The following UBE2D2 variants were observed in gnomAD, a reference collection of about 807,000 sequenced individuals.
UBE2D2 encodes ubiquitin conjugating enzyme E2 D2.
In UBE2D2, 2 loss-of-function variants were observed where a neutral mutation model predicts 24.2. The observed-to-expected ratio is 0.08, with a 90% CI of 0.03 to 0.26. The LOEUF is 0.26. UBE2D2 is among the 10% of genes least tolerant of loss of function. UBE2D2 has a pLI of 1.00. For synonymous variants in UBE2D2, 58 were observed against 56.5 expected, an observed-to-expected ratio of 1.03 and a Z score of -0.12; for missense variants, 44 against 177.6, an observed-to-expected ratio of 0.25 and a Z score of 4.28.
At chr5:139,578,066 A>G (rs1001087928) in intron 1 of UBE2D2, among the ~76,000 whole-genome samples, 2 of 152,140 alleles carry the variant, frequency 1.3e-5, no homozygotes, top group Admixed American at 6.6e-5. Context: ...CCATCTGTCT[A>G]TTCACATAGA....
intron 1 of UBE2D2, among the ~76,000 whole-genome samples, chr5:139,587,876 C>T (rs929826147): frequency 6.6e-6 from 1 of 152,004 alleles, no homozygotes; most frequent in African/African-American, 2.4e-5. Flanking sequence ...TATTTCTTTA[C>T]CTCCTGTTTT....
chr5:139,578,603 C>T (rs1581504852), intron 1 of UBE2D2, among the ~76,000 whole-genome samples: 1 of 152,004 alleles, frequency 6.6e-6, no homozygotes, highest in East Asian at 1.9e-4. Context: ...CAGGTGTGTG[C>T]TACCATACCT....
intron 2 of UBE2D2, among the ~76,000 whole-genome samples, chr5:139,605,210 A>G (rs985888111): frequency 6.6e-6 from 1 of 152,200 alleles, no homozygotes; most frequent in African/African-American, 2.4e-5. Flanking sequence ...TCTGTGCTTT[A>G]TTTTAAAACA....
intron 1 of UBE2D2, among the ~76,000 whole-genome samples, chr5:139,548,300 G>A (rs1374659811): frequency 6.6e-6 from 1 of 150,722 alleles, no homozygotes; most frequent in Non-Finnish European, 1.5e-5. Flanking sequence ...AGTGTTCCTC[G>A]TTTTCCCACC....
chr5:139,601,943 T>C (rs1342603082), intron 2 of UBE2D2, among the ~76,000 whole-genome samples: 1 of 152,082 alleles, frequency 6.6e-6, no homozygotes, highest in African/African-American at 2.4e-5. Flanking sequence ...ATTTGTAACA[T>C]TTAACAAATA....
intron 1 of UBE2D2, among the ~76,000 whole-genome samples, chr5:139,573,681 C>T (rs1389686545): frequency 6.6e-6 from 1 of 151,940 alleles, no homozygotes; most frequent in African/African-American, 2.4e-5. Flanking sequence ...TTTAAAATGT[C>T]TTTCTCGGCC....
At chr5:139,590,451 A>T (rs983537106) in intron 1 of UBE2D2, among the ~76,000 whole-genome samples, 4 of 151,830 alleles carry the variant, frequency 2.6e-5, no homozygotes, top group South Asian at 2.1e-4. Context: ...AATAAAAAAA[A>T]AAAAAAGAAA....
intron 2 of UBE2D2, among the ~76,000 whole-genome samples, chr5:139,606,894 T>A (rs1369082420): frequency 6.6e-6 from 1 of 152,164 alleles, no homozygotes; most frequent in African/African-American, 2.4e-5. Context: ...AACCTCTGCC[T>A]CCCGGGTTCA....
chr5:139,622,492 C>T (rs1175530653), intron 5 of UBE2D2, among the ~76,000 whole-genome samples: 1 of 150,964 alleles, frequency 6.6e-6, no homozygotes, highest in East Asian at 2.0e-4. Context: ...ATCCACCCCC[C>T]TCCGCCTCCC....
At chr5:139,599,743 C>CA (rs1466895962) in intron 1 of UBE2D2, among the ~76,000 whole-genome samples, 1 of 151,654 alleles carries the variant, frequency 6.6e-6, no homozygotes, top group Admixed American at 6.6e-5. Context: ...TCTCAAAAAA[C>CA]AAACAACAAA....
At chr5:139,613,398 G>A (rs977587885) in intron 2 of UBE2D2, among the ~76,000 whole-genome samples, 1 of 152,156 alleles carries the variant, frequency 6.6e-6, no homozygotes, top group Admixed American at 6.6e-5. Context: ...GTGCTAAGTA[G>A]TAGCTTAATT....
chr5:139,561,664 T>A lies in UBE2D2; in HGVS notation c.-128T>A, dbSNP rs998587372. 1.5e-6 allele frequency: 1 copy of A among 668,608 alleles called. No individual in the cohort carries two copies. The highest frequency in any genetic ancestry group is 3.4e-5 in the East Asian group (1 of 29,132). The allele number at this position is 668,608 out of a possible 1,614,324, so 41.4% of individuals were successfully genotyped here. A position where few individuals can be genotyped will look rare whatever the true frequency, so the allele number is the denominator to read the frequency against. The stretch of plus-strand genomic sequence containing the variant: ...CCTCAGCCCGTCCCGCCGGACCCGC[T>A]TTCCTCAACTCTCCATCTTCTCCTG... On this transcript the variant is annotated 5_prime_UTR_variant, in exon 1 of 7. Coordinates refer to ENST00000398733, the MANE Select transcript of UBE2D2 (RefSeq NM_003339.3).
intron 1 of UBE2D2, among the ~76,000 whole-genome samples, chr5:139,534,822 T>C (rs1408737794): frequency 6.6e-6 from 1 of 152,082 alleles, no homozygotes; most frequent in Non-Finnish European, 1.5e-5. Context: ...TCCTATAGTA[T>C]TGTTTAGAAT....
At chr5:139,570,833 A>G (rs1210104296) in intron 1 of UBE2D2, among the ~76,000 whole-genome samples, 2 of 151,552 alleles carry the variant, frequency 1.3e-5, no homozygotes, top group South Asian at 2.1e-4. Context: ...GATTACAGGC[A>G]TGAGCCACCA....
In UBE2D2 at chr5:139,615,214, G is replaced by A. The variant is rs553139815; in HGVS notation, c.304+248G>A. Among the ~76,000 whole-genome samples, 26 of 152,308 alleles carry A rather than the reference G, an allele frequency of 1.7e-4. No homozygotes were observed. In the East Asian group the frequency reaches 4.8e-3, roughly 28 times the overall value. ...GAAGATGAACACTGGGCCTGGTGCC[G>A]TGGCTCATGCCTGTAATCTCAGCAC... is the stretch of plus-strand genomic sequence containing the variant. On this transcript the variant is annotated intron_variant, in intron 5 of 6. Transcript: ENST00000398733.
chr5:139,550,626 G>A (rs1455438382), intron 1 of UBE2D2, among the ~76,000 whole-genome samples: 1 of 151,768 alleles, frequency 6.6e-6, no homozygotes, highest in African/African-American at 2.4e-5. Context: ...TCATTCTTTG[G>A]GTACACACTG....
At chr5:139,609,779 G>GT (rs557869411) in intron 2 of UBE2D2, among the ~76,000 whole-genome samples, 2,032 of 118,702 alleles carry the variant, frequency 0.017, 24 homozygotes, top group Middle Eastern at 0.066. Context: ...TTGTTTTTTT[G>GT]TTTTTTTTTT....
rs547951842 is a variant in UBE2D2, at chr5:139,569,097, T to C, written c.24+7282T>C. Among the ~76,000 whole-genome samples, 7 of 152,332 alleles carry C rather than the reference T, an allele frequency of 4.6e-5. No homozygotes were observed. The East Asian group carries it at 9.6e-4, about 21-fold the overall frequency. Reference sequence around the variant, plus strand: ...GGTAGTCCTGTGGAGTATTGGGAACTTTAATAAATGGTTGTCTGAATATGG... The same window carrying C: ...GGTAGTCCTGTGGAGTATTGGGAACCTTAATAAATGGTTGTCTGAATATGG... On this transcript the variant is annotated intron_variant, in intron 1 of 6. Transcript: ENST00000398733.
chr5:139,610,988 A>G (rs1167635390), intron 2 of UBE2D2, among the ~76,000 whole-genome samples: 1 of 152,128 alleles, frequency 6.6e-6, no homozygotes, highest in African/African-American at 2.4e-5. Context: ...ACTATAACCA[A>G]AGGAGGCATT....
Sources: gnomAD v4.1 joint callset for allele counts (sites outside exome capture counted in the v4.1 genomes callset) on GRCh38, gnomAD v4.1.1 for gene constraint, MANE v1.5 for transcripts, NCBI Gene and HGNC (gene_info 2026-07-23, HGNC 2026-07-21) for gene names.